The following FRMD5 variants were observed in gnomAD, a reference collection of about 807,000 sequenced individuals.
FRMD5 encodes the protein FERM domain-containing protein 5.
Under a neutral mutation model 69.0 loss-of-function variants are expected in FRMD5, and 20 were observed. The observed-to-expected ratio is 0.29, with a 90% CI of 0.20 to 0.42. The LOEUF is 0.42. FRMD5 is among the 10% of genes least tolerant of loss of function. The pLI, the probability that FRMD5 is intolerant of heterozygous loss-of-function variation, is 1.00. For synonymous variants in FRMD5, 271 were observed against 260.1 expected, an observed-to-expected ratio of 1.04 and a Z score of -0.40; for missense variants, 595 against 708.6, an observed-to-expected ratio of 0.84 and a Z score of 1.82.
intron 5 of FRMD5, among the ~76,000 whole-genome samples, chr15:43,908,353 A>G (rs2089220876): frequency 6.6e-6 from 1 of 151,688 alleles, no homozygotes; most frequent in African/African-American, 2.4e-5. Flanking sequence ...AAAAAAATTC[A>G]AAGGGGCATC....
intron 8 of FRMD5, among the ~76,000 whole-genome samples, chr15:43,890,769 G>C (rs2140370181): frequency 6.6e-6 from 1 of 152,278 alleles, no homozygotes; most frequent in Non-Finnish European, 1.5e-5. Flanking sequence ...TGTTGTCCTG[G>C]GGAGTCGAGT....
At chr15:44,145,532 C>T (rs779957844) in intron 1 of FRMD5, among the ~76,000 whole-genome samples, 6 of 152,088 alleles carry the variant, frequency 3.9e-5, no homozygotes, top group African/African-American at 1.4e-4. Context: ...AAATTAAATG[C>T]AAACTTAGAT....
intron 1 of FRMD5, among the ~76,000 whole-genome samples, chr15:43,955,482 A>C (rs1462521302): frequency 1.3e-5 from 2 of 152,234 alleles, no homozygotes; most frequent in African/African-American, 4.8e-5. Flanking sequence ...AGTTATCACA[A>C]GGGATTTCTT....
At chr15:43,885,397 A>T (rs1392080313) in intron 11 of FRMD5, among the ~76,000 whole-genome samples, 2 of 152,160 alleles carry the variant, frequency 1.3e-5, no homozygotes, top group Non-Finnish European at 2.9e-5. Context: ...GCTGATTTCA[A>T]ACTCCTGGCC....
At chr15:43,969,887 G>A (rs1448006342) in intron 1 of FRMD5, among the ~76,000 whole-genome samples, 5 of 152,126 alleles carry the variant, frequency 3.3e-5, no homozygotes, top group African/African-American at 4.8e-5. Context: ...TTGGAGTTAC[G>A]GAATTTTATT....
chr15:44,023,186 C>T (rs555679896), intron 1 of FRMD5, among the ~76,000 whole-genome samples: 7 of 152,168 alleles, frequency 4.6e-5, no homozygotes, highest in Non-Finnish European at 7.4e-5. Context: ...ACGTTCTTGC[C>T]CCTGAAATGT....
chr15:43,965,805 C>T lies in FRMD5; in HGVS notation c.103-41496G>A, dbSNP rs150222057. ...CATGTTGTCAGGCTGGTCTCGAACT[C>T]CTGACCTCAGGTGATCCGCCCACCT... On this transcript the variant is annotated intron_variant, in intron 1 of 13. Transcript: ENST00000417257. Among the ~76,000 whole-genome samples the T allele has an allele frequency of 2.6e-3, 397 of 151,956 alleles. 11 individuals carry two copies. The East Asian group carries it at 0.072, about 28-fold the overall frequency.
chr15:44,194,754 T>TGCGGACCCTG, intron 1 of FRMD5, 199 bp downstream of exon 1: 1 of 669,348 alleles, frequency 1.5e-6, no homozygotes, highest in Non-Finnish European at 2.7e-6. Flanking sequence ...GCGGCGGCGG[T>TGCGGACCCTG]GACACACCGG....
intron 1 of FRMD5, among the ~76,000 whole-genome samples, chr15:44,141,672 T>G (rs1278110897): frequency 6.6e-6 from 1 of 152,218 alleles, no homozygotes; most frequent in Non-Finnish European, 1.5e-5. Context: ...CTGTCCTACT[T>G]GTTCTCCTGA....
chr15:43,973,646 G>A (rs894027873), intron 1 of FRMD5, among the ~76,000 whole-genome samples: 1 of 152,108 alleles, frequency 6.6e-6, no homozygotes, highest in Non-Finnish European at 1.5e-5. Flanking sequence ...GGGATTACAG[G>A]TGTGAACCAC....
chr15:44,144,652 G>C (rs1300961223), intron 1 of FRMD5, among the ~76,000 whole-genome samples: 15 of 152,098 alleles, frequency 9.9e-5, no homozygotes, highest in Admixed American at 8.5e-4. Flanking sequence ...TTAGAATACT[G>C]TATCTATTTA....
chr15:43,977,372 C>A (rs2090480179), intron 1 of FRMD5, among the ~76,000 whole-genome samples: 1 of 152,080 alleles, frequency 6.6e-6, no homozygotes, highest in East Asian at 1.9e-4. Flanking sequence ...ACATTCCCAC[C>A]TCTTTGTATT....
At chr15:44,084,930 T>C (rs141785220) in intron 1 of FRMD5, among the ~76,000 whole-genome samples, 1 of 152,182 alleles carries the variant, frequency 6.6e-6, no homozygotes, top group African/African-American at 2.4e-5. Context: ...TGATATACAA[T>C]CTGGGGAAGC....
At chr15:43,994,571 C>T (rs1298402514) in intron 1 of FRMD5, among the ~76,000 whole-genome samples, 2 of 152,176 alleles carry the variant, frequency 1.3e-5, no homozygotes, top group African/African-American at 4.8e-5. Context: ...GCTGGTACTA[C>T]AGGCACATGC....
intron 1 of FRMD5, among the ~76,000 whole-genome samples, chr15:43,936,691 C>A (rs1255165205): frequency 6.6e-6 from 1 of 151,142 alleles, no homozygotes; most frequent in Non-Finnish European, 1.5e-5. Flanking sequence ...ACATTCACTT[C>A]AGAATCGGTC....
chr15:44,168,460 C>T (rs991025389), intron 1 of FRMD5, among the ~76,000 whole-genome samples: 26 of 152,176 alleles, frequency 1.7e-4, no homozygotes, highest in Admixed American at 1.3e-4. Flanking sequence ...GCCAAATTTA[C>T]GTGAATTTTA....
chr15:44,100,064 T>G (rs1159967768), intron 1 of FRMD5, among the ~76,000 whole-genome samples: 3 of 150,586 alleles, frequency 2.0e-5, no homozygotes, highest in Admixed American at 1.3e-4. Flanking sequence ...TTTTTTTTTT[T>G]TTTTAAGATG....
In FRMD5 at chr15:43,871,164, CCAAT is replaced by C. The variant is rs2088151003; in HGVS notation, c.*2717_*2720del. On this transcript the variant is annotated 3_prime_UTR_variant, in exon 14 of 14. Coordinates refer to ENST00000417257, the MANE Select transcript of FRMD5 (RefSeq NM_032892.5). ...GAGATATACCAAAAAAGACTAGTCACCAATCAAAGGAGGTTTATTATTCAAGCAC... is the reference window on the plus strand; with the variant it reads ...GAGATATACCAAAAAAGACTAGTCACCAAAGGAGGTTTATTATTCAAGCAC... 1 of 152,098 alleles carries C rather than the reference CCAAT, an allele frequency of 6.6e-6. No homozygotes were observed. Among genetic ancestry groups the C allele is most frequent in the Non-Finnish European group, 1.5e-5 (1 of 68,008 alleles). The allele number at this position is 152,098 out of a possible 1,614,324, so 9.4% of individuals were successfully genotyped here. A position where few individuals can be genotyped will look rare whatever the true frequency, so the allele number is the denominator to read the frequency against.
chr15:43,922,535 C>T (rs958313664), intron 2 of FRMD5, among the ~76,000 whole-genome samples: 1 of 152,162 alleles, frequency 6.6e-6, no homozygotes, highest in Admixed American at 6.5e-5. Flanking sequence ...TTCACCACAT[C>T]CACATATTCT....
Sources: allele counts gnomAD v4.1 joint callset (sites outside exome capture counted in the v4.1 genomes callset), GRCh38; gene constraint gnomAD v4.1.1; transcripts MANE v1.5; gene names NCBI Gene and HGNC (gene_info 2026-07-23, HGNC 2026-07-21).